The following RTN4 variants were observed in gnomAD, a reference collection of about 807,000 sequenced individuals.
RTN4 encodes reticulon-4.
RTN4 carries 32 observed loss-of-function variants against 90.4 expected under a neutral mutation model. The observed-to-expected ratio is 0.35, with a 90% CI of 0.27 to 0.48. RTN4 has a LOEUF of 0.48. Ranked by LOEUF, RTN4 falls within the 20% of genes least tolerant of loss-of-function variation. The pLI is 0.99. For missense variants in RTN4, 1,706 were observed against 1,430.2 expected (o/e 1.19, Z -3.11); for synonymous variants, 629 against 552.5 (o/e 1.14, Z -1.94).
intron 2 of RTN4, among the ~76,000 whole-genome samples, chr2:55,060,209 C>A (rs969387003): frequency 6.6e-6 from 1 of 152,166 alleles, no homozygotes; most frequent in Non-Finnish European, 1.5e-5. Context: ...ATTTTTATTA[C>A]AAAAAGCTAA....
chr2:55,003,051 C>A (rs1379189750), intron 3 of RTN4, among the ~76,000 whole-genome samples: 1 of 152,088 alleles, frequency 6.6e-6, no homozygotes, highest in East Asian at 1.9e-4. Flanking sequence ...CTATTTTCTA[C>A]TAACAAAAAC....
rs145032505 is a variant in RTN4, at chr2:55,025,149, C to T, written c.2950G>A (p.Asp984Asn). ...VKEAEKKLPS[D>N]TEKEDRSPSA... ...GGTGATCTGTCCTCTTTTTCTGTAT[C>T]GGAAGGAAGTTTTTTCTCAGCTTCT... Residue 984 changes from aspartate (D) to asparagine (N), a missense_variant, in exon 3 of 9, where the codon GAT becomes AAT. Coordinates refer to ENST00000337526, the MANE Select transcript of RTN4 (RefSeq NM_020532.5). The T allele has an allele frequency of 1.9e-5, 31 of 1,613,430 alleles. No homozygotes were observed. Among genetic ancestry groups the T allele is most frequent in the African/African-American group, 6.7e-5 (5 of 74,986 alleles).
chr2:55,059,698 A>G (rs147541576), intron 2 of RTN4, among the ~76,000 whole-genome samples: 1 of 151,796 alleles, frequency 6.6e-6, no homozygotes, highest in South Asian at 2.1e-4. Context: ...GCTGGGTGTC[A>G]TGGCAGGTGC....
intron 1 of RTN4, among the ~76,000 whole-genome samples, chr2:55,108,733 C>A (rs183236778): frequency 2.0e-5 from 3 of 152,016 alleles, no homozygotes; most frequent in African/African-American, 4.8e-5. Flanking sequence ...AAAGTAATTG[C>A]GGTTTTTGCC....
chr2:55,010,392 C>T (rs923688823), intron 3 of RTN4: 4 of 1,253,862 alleles, frequency 3.2e-6, no homozygotes, highest in Non-Finnish European at 4.0e-6. Context: ...AGGCATTTGC[C>T]TTGTTGCTCA....
At chr2:55,094,484 G>T (rs903094185) in intron 1 of RTN4, among the ~76,000 whole-genome samples, 7 of 152,212 alleles carry the variant, frequency 4.6e-5, no homozygotes, top group East Asian at 3.8e-4. Flanking sequence ...ATAGAGCAGT[G>T]ACCAATCAGG....
chr2:54,996,330 T>G (rs1428387400), intron 3 of RTN4, among the ~76,000 whole-genome samples: 1 of 152,172 alleles, frequency 6.6e-6, no homozygotes, highest in Non-Finnish European at 1.5e-5. Context: ...AAAATTGACA[T>G]GCCAATTGCA....
intron 1 of RTN4, 122 bp from the exon 2 acceptor site, chr2:55,028,342 G>C (rs1011476993): frequency 2.8e-6 from 2 of 724,940 alleles, no homozygotes; most frequent in Non-Finnish European, 4.5e-6. Context: ...TACAGAGAAA[G>C]GGCCAAGATC....
intron 1 of RTN4, among the ~76,000 whole-genome samples, chr2:55,096,037 G>A (rs889526344): frequency 6.6e-6 from 1 of 152,114 alleles, no homozygotes; most frequent in Non-Finnish European, 1.5e-5. Context: ...CCATATAAGA[G>A]CGCATGCTGG....
chr2:55,124,511 G>A, the RTN4 span, among the ~76,000 whole-genome samples: 1 of 152,164 alleles, frequency 6.6e-6, no homozygotes, highest in Non-Finnish European at 1.5e-5. Context: ...TAACCAGGGA[G>A]GTGAAAGATC....
chr2:55,097,241 G>A (rs2105051643), intron 1 of RTN4, among the ~76,000 whole-genome samples: 1 of 149,542 alleles, frequency 6.7e-6, no homozygotes, highest in Non-Finnish European at 1.5e-5. Flanking sequence ...GGTCAGGGCT[G>A]CAATGAGCCC....
Position 54,988,279 on chromosome 2 carries a change from T to C in RTN4, c.3014-581A>G, listed in dbSNP as rs893066855. Among the ~76,000 whole-genome samples, 3 of 152,336 alleles carry C rather than the reference T, an allele frequency of 2.0e-5. No homozygotes were observed. In the East Asian group the frequency reaches 5.8e-4, roughly 29 times the overall value. ...TTGCAGTGAGCCGAGACTGCACCTC[T>C]GCACTCCAGAATGGGCGACAGAGCA... On this transcript the variant is annotated intron_variant, in intron 3 of 8. Coordinates refer to ENST00000337526, the MANE Select transcript of RTN4 (RefSeq NM_020532.5).
intron 3 of RTN4, among the ~76,000 whole-genome samples, chr2:55,006,025 A>C (rs944094126): frequency 2.6e-5 from 4 of 152,138 alleles, no homozygotes; most frequent in African/African-American, 4.8e-5. Context: ...AACTAGATGG[A>C]ATTAAAATAT....
Position 55,064,971 on chromosome 2 carries a change from A to C in RTN4, c.-63+15518T>G, listed in dbSNP as rs201597082. On this transcript the variant is annotated intron_variant, in intron 2 of 3. Transcript: ENST00000427710. ...TTAATAGCTTTAATTTTCCATTTCG[A>C]ATGCATGTGTTATATTATATGTGTT... is the stretch of plus-strand genomic sequence containing the variant. Among the ~76,000 whole-genome samples, 22 of 152,296 alleles carry C rather than the reference A, an allele frequency of 1.4e-4. No individual in the cohort carries two copies. The East Asian group carries it at 4.1e-3, about 28-fold the overall frequency.
intron 1 of RTN4, among the ~76,000 whole-genome samples, chr2:55,087,041 A>C (rs902522965): frequency 6.6e-6 from 1 of 152,104 alleles, no homozygotes; most frequent in African/African-American, 2.4e-5. Context: ...TATGTCTGTG[A>C]GATTAATAAA....
the RTN4 span, among the ~76,000 whole-genome samples, chr2:55,133,331 C>T: frequency 1.5e-3 from 211 of 141,188 alleles, no homozygotes; most frequent in Non-Finnish European, 2.1e-3. Flanking sequence ...ATGGAGAATG[C>T]GGTGTTGTCT....
intron 3 of RTN4, among the ~76,000 whole-genome samples, chr2:55,018,964 C>T (rs890082027): frequency 3.3e-5 from 5 of 151,954 alleles, no homozygotes; most frequent in Admixed American, 2.0e-4. Flanking sequence ...GGCTGGGACA[C>T]GGTAAGCATA....
chr2:55,108,630 TAAG>T (rs916508120), intron 1 of RTN4, among the ~76,000 whole-genome samples: 1 of 152,030 alleles, frequency 6.6e-6, no homozygotes, highest in African/African-American at 2.4e-5. Flanking sequence ...GATTTGGAAA[TAAG>T]AAGCCACAGG....
intron 3 of RTN4, among the ~76,000 whole-genome samples, chr2:54,995,568 T>TATTCATTC (rs907903585): frequency 1.3e-5 from 2 of 152,214 alleles, no homozygotes; most frequent in South Asian, 4.1e-4. Flanking sequence ...TAATAATCTG[T>TATTCATTC]ATTCATTCAT....
Sources: gnomAD v4.1 joint callset for allele counts (sites outside exome capture counted in the v4.1 genomes callset) on GRCh38, gnomAD v4.1.1 for gene constraint, MANE v1.5 for transcripts, NCBI Gene and HGNC (gene_info 2026-07-23, HGNC 2026-07-21) for gene names.